PITPNA: variants seen among roughly 807,000 people sequenced by gnomAD.
The protein encoded by PITPNA is phosphatidylinositol transfer protein alpha isoform.
Under a neutral mutation model 50.3 loss-of-function variants are expected in PITPNA, and 13 were observed. That is an observed-to-expected ratio of 0.26 (90% CI 0.17 to 0.41). The LOEUF is 0.41. PITPNA is among the 10% of genes least tolerant of loss of function. The probability of loss-of-function intolerance (pLI) is 1.00; values close to 1 mark genes in which losing one functional copy is unlikely to be tolerated. For synonymous variants in PITPNA, 120 were observed against 119.6 expected (o/e 1.00, Z -0.02); for missense variants, 207 against 333.4 (o/e 0.62, Z 2.95).
intron 4 of PITPNA, 24 bp downstream of exon 4, chr17:1,548,272 C>T (rs759222475): frequency 2.3e-5 from 36 of 1,535,366 alleles, no homozygotes; most frequent in South Asian, 2.3e-4. Context: ...CCTGCCTGGC[C>T]GACGTGGCCC....
rs2150999137 is a variant in PITPNA at position 1,518,121 on chromosome 17, CAAGTAGCACTAGGAACCAACCA to C, written c.*2418_*2439del. The stretch of plus-strand genomic sequence containing the variant: ...ATTCTACAAAGTGTAGTTTGTAAAA[CAAGTAGCACTAGGAACCAACCA>C]AAGTAAGTCAGGGAGTCCCAGCAGG... On this transcript the variant is annotated 3_prime_UTR_variant, in exon 12 of 12. Transcript: ENST00000313486. The C allele has an allele frequency of 6.6e-6, 1 of 152,650 alleles. No homozygotes were observed. The highest frequency in any genetic ancestry group is 6.5e-5 in the Admixed American group (1 of 15,300). 9.5% of individuals were successfully genotyped at this position (152,650 alleles called of 1,614,324 possible).
chr17:1,559,972 G>C (rs926667676), intron 1 of PITPNA, among the ~76,000 whole-genome samples: 4 of 152,202 alleles, frequency 2.6e-5, no homozygotes, highest in African/African-American at 9.7e-5. Context: ...TGCACCCTCA[G>C]AAGAAACTTC....
intron 11 of PITPNA, 102 bp downstream of exon 11, chr17:1,521,477 A>C: frequency 1.3e-6 from 1 of 778,782 alleles, no homozygotes; most frequent in Non-Finnish European, 2.3e-6. Flanking sequence ...ACTAGAGGGA[A>C]GGAGGAATAG....
intron 10 of PITPNA, among the ~76,000 whole-genome samples, chr17:1,527,630 A>G (rs756479946): frequency 4.6e-5 from 7 of 152,316 alleles, no homozygotes; most frequent in Non-Finnish European, 8.8e-5. Context: ...GTATTCACCT[A>G]TTAGTTATTT....
chr17:1,525,629 C>G (rs902124505), intron 10 of PITPNA, among the ~76,000 whole-genome samples: 5 of 151,684 alleles, frequency 3.3e-5, no homozygotes, highest in Non-Finnish European at 2.9e-5. Flanking sequence ...GGCGATTCTC[C>G]TGCCTCAAAC....
Position 1,562,269 on chromosome 17 carries a change from G to A in PITPNA, c.20+272C>T, listed in dbSNP as rs1168513268. On this transcript the variant is annotated intron_variant, in intron 1 of 11. Coordinates refer to ENST00000313486, the MANE Select transcript of PITPNA (RefSeq NM_006224.4). The surrounding 1 kb of genome is among the most constrained non-coding windows in gnomAD (Gnocchi z 6.4). ...TGCCCCGGCTGCCCGTCCATGCCCC[G>A]TGGGCCCCGGCTCAGATGCCGAACG... Among the ~76,000 whole-genome samples, 2 of 149,646 alleles carry A rather than the reference G, an allele frequency of 1.3e-5. No individual in the cohort carries two copies. The highest frequency in any genetic ancestry group is 2.0e-4 in the East Asian group (1 of 5,056).
At chr17:1,537,710 C>G (rs1416458637) in intron 7 of PITPNA, among the ~76,000 whole-genome samples, 1 of 152,158 alleles carries the variant, frequency 6.6e-6, no homozygotes, top group Non-Finnish European at 1.5e-5. Flanking sequence ...GAAAAATCCA[C>G]CAACGTTTTG....
At chr17:1,536,751 G>A (rs896541279) in intron 7 of PITPNA, among the ~76,000 whole-genome samples, 1 of 150,518 alleles carries the variant, frequency 6.6e-6, no homozygotes, top group Admixed American at 6.6e-5. Flanking sequence ...CTGCGACCAC[G>A]CCAGGGTAAT....
intron 3 of PITPNA, among the ~76,000 whole-genome samples, chr17:1,550,178 G>A (rs1206467265): frequency 6.6e-6 from 1 of 152,200 alleles, no homozygotes; most frequent in East Asian, 1.9e-4. Flanking sequence ...GGGACACACA[G>A]AGAAACCAAA....
chr17:1,544,851 C>A (rs1463298731), intron 4 of PITPNA, among the ~76,000 whole-genome samples: 2 of 152,112 alleles, frequency 1.3e-5, no homozygotes, highest in Non-Finnish European at 2.9e-5. Flanking sequence ...TGGAGGCTGA[C>A]AGGAGGAGGA....
At chr17:1,556,178 T>G (rs1162461842) in intron 2 of PITPNA, among the ~76,000 whole-genome samples, 3 of 152,180 alleles carry the variant, frequency 2.0e-5, no homozygotes, top group African/African-American at 7.2e-5. Flanking sequence ...CCCTCCAAGA[T>G]TTTTCTAATT....
intron 10 of PITPNA, among the ~76,000 whole-genome samples, chr17:1,523,025 C>T (rs1398267894): frequency 1.3e-5 from 2 of 152,124 alleles, no homozygotes; most frequent in African/African-American, 4.8e-5. Context: ...CAGAACTAGG[C>T]ACAAGGATGC....
At chr17:1,528,688 G>C (rs947928148) in intron 10 of PITPNA, among the ~76,000 whole-genome samples, 3 of 151,542 alleles carry the variant, frequency 2.0e-5, no homozygotes, top group African/African-American at 4.9e-5. Context: ...AGTGAGCTAT[G>C]ATCACAGCAC....
At chr17:1,549,473 C>T (rs962386340) in intron 3 of PITPNA, among the ~76,000 whole-genome samples, 41 of 151,326 alleles carry the variant, frequency 2.7e-4, no homozygotes, top group South Asian at 6.3e-4. Flanking sequence ...CCCGCCACCA[C>T]GCCCGGCTAA....
intron 10 of PITPNA, among the ~76,000 whole-genome samples, chr17:1,526,422 AG>A (rs1446426357): frequency 1.3e-5 from 2 of 152,254 alleles, no homozygotes; most frequent in Non-Finnish European, 2.9e-5. Context: ...CTCTGGGCAA[AG>A]GAGTGTACAG....
intron 6 of PITPNA, among the ~76,000 whole-genome samples, chr17:1,539,486 C>T (rs1311982112): frequency 6.8e-6 from 1 of 147,794 alleles, no homozygotes; most frequent in Non-Finnish European, 1.5e-5. Context: ...GAGTGATCCT[C>T]CTCTCTCAGT....
rs148789232 is a variant in PITPNA at position 1,537,055 on chromosome 17, C to T, written c.457-1537G>A. 7.7e-3 allele frequency among the ~76,000 whole-genome samples: 1,166 copies of T among 151,568 alleles called. 15 individuals carry two copies. The highest frequency in any genetic ancestry group is 0.027 in the African/African-American group (1,108 of 41,208). On this transcript the variant is annotated intron_variant, in intron 7 of 11. Transcript: ENST00000313486. The stretch of plus-strand genomic sequence containing the variant: ...CTGGAATTATAGGCATGCGCCACCA[C>T]GCCCAGCTAATTTTGTATTTTTTTT...
Position 1,552,998 on chromosome 17 carries a change from G to T in PITPNA, c.197+6C>A. On this transcript the variant is annotated splice_donor_region_variant and intron_variant, in intron 3 of 11. Coordinates refer to ENST00000313486, the MANE Select transcript of PITPNA (RefSeq NM_006224.4). ...AGCATCCGGCCCCGCTGCTCATGCC[G>T]CATACCTCTGCAGGTGGTAGATCTT... The T allele has an allele frequency of 6.2e-7, 1 of 1,613,584 alleles. No individual in the cohort carries two copies.
chr17:1,534,775 T>A (rs2075604616), intron 9 of PITPNA, among the ~76,000 whole-genome samples: 1 of 152,358 alleles, frequency 6.6e-6, no homozygotes, highest in South Asian at 2.1e-4. Context: ...GCAAGTCCCT[T>A]CCTGTGGCCT....
Sources: allele counts gnomAD v4.1 joint callset (sites outside exome capture counted in the v4.1 genomes callset), GRCh38; gene constraint gnomAD v4.1.1; non-coding constraint Gnocchi (gnomAD v3.1); transcripts MANE v1.5; gene names NCBI Gene and HGNC (gene_info 2026-07-23, HGNC 2026-07-21).